The following TESK2 variants were observed in gnomAD, a reference collection of about 807,000 sequenced individuals.
TESK2 encodes testis associated actin remodelling kinase 2.
A neutral mutation model predicts 57.1 loss-of-function variants in TESK2; 39 were observed. The observed-to-expected ratio is 0.68, with a 90% confidence interval of 0.53 to 0.89. The LOEUF (loss-of-function observed/expected upper bound fraction) is 0.89, where lower values mean the gene tolerates loss of function less well. Ranked by LOEUF, TESK2 falls within the 40% of genes least tolerant of loss-of-function variation. The pLI, the probability that TESK2 is intolerant of heterozygous loss-of-function variation, is 0.00. For synonymous variants in TESK2, 249 were observed against 267.9 expected (o/e 0.93, Z 0.69); for missense variants, 646 against 732.1 (o/e 0.88, Z 1.36).
chr1:45,431,076 G>C (rs1346967990), intron 2 of TESK2, among the ~76,000 whole-genome samples: 1 of 152,150 alleles, frequency 6.6e-6, no homozygotes, highest in East Asian at 1.9e-4. Context: ...AACCCAACCT[G>C]GCAATCTTCC....
chr1:45,382,573 A>G (rs1405445313), intron 4 of TESK2, among the ~76,000 whole-genome samples: 1 of 152,118 alleles, frequency 6.6e-6, no homozygotes, highest in Non-Finnish European at 1.5e-5. Context: ...AGTTTGCTTA[A>G]AAACTTGAGT....
chr1:45,370,651 G>T lies in TESK2; in HGVS notation c.394-15202C>A, dbSNP rs186380668. Among the ~76,000 whole-genome samples, 29 of 152,294 alleles carry T rather than the reference G, an allele frequency of 1.9e-4. No homozygotes were observed. In the South Asian group the frequency reaches 4.6e-3, roughly 24 times the overall value. ...GGGCCTGAGGAATTGGTTGGGCCAG[G>T]GGGGATGAAGAGGTGTGTTCTGGGC... On this transcript the variant is annotated intron_variant, in intron 4 of 10. Transcript: ENST00000372086.
chr1:45,400,360 A>AT (rs1226115707), intron 3 of TESK2, among the ~76,000 whole-genome samples: 1 of 152,200 alleles, frequency 6.6e-6, no homozygotes, highest in Non-Finnish European at 1.5e-5. Context: ...TGATACCTTG[A>AT]TTTTAGCCCA....
At chr1:45,396,834 G>A (rs1443282646) in intron 3 of TESK2, among the ~76,000 whole-genome samples, 2 of 93,816 alleles carry the variant, frequency 2.1e-5, no homozygotes, top group East Asian at 7.7e-4. Context: ...TTTTTGAGAT[G>A]GAGTCTCACT....
At chr1:45,423,559 GAAAA>G (rs59821943) in intron 2 of TESK2, among the ~76,000 whole-genome samples, 1 of 125,810 alleles carries the variant, frequency 7.9e-6, no homozygotes. Flanking sequence ...TCCGTCTCGC[GAAAA>G]AAAAAAAAAA....
At chr1:45,371,096 G>C (rs554746437) in intron 4 of TESK2, among the ~76,000 whole-genome samples, 1 of 149,858 alleles carries the variant, frequency 6.7e-6, no homozygotes, top group South Asian at 2.1e-4. Flanking sequence ...AAAAAACACA[G>C]AAAATAACAA....
intron 2 of TESK2, among the ~76,000 whole-genome samples, chr1:45,448,237 C>CAATA (rs1651719673): frequency 1.2e-5 from 1 of 84,378 alleles, no homozygotes; most frequent in South Asian, 4.4e-4. Flanking sequence ...GACCCTGTCT[C>CAATA]AAAAAAAAAA....
intron 2 of TESK2, among the ~76,000 whole-genome samples, chr1:45,429,321 G>C (rs547695081): frequency 3.9e-5 from 6 of 152,078 alleles, no homozygotes; most frequent in African/African-American, 1.4e-4. Context: ...GCTTGAACCC[G>C]AGAGGCAGAG....
intron 3 of TESK2, among the ~76,000 whole-genome samples, chr1:45,418,765 G>A (rs1043893830): frequency 1.3e-5 from 2 of 151,938 alleles, no homozygotes; most frequent in Non-Finnish European, 2.9e-5. Context: ...TTTTATATCT[G>A]TGCTTTCTAT....
In TESK2 at chr1:45,409,933, C is replaced by T. The variant is rs189709807; in HGVS notation, c.344+11792G>A. 1.8e-3 allele frequency among the ~76,000 whole-genome samples: 277 copies of T among 151,952 alleles called. 3 individuals carry two copies. The highest frequency in any genetic ancestry group is 6.4e-3 in the African/African-American group (267 of 41,444). On this transcript the variant is annotated intron_variant, in intron 3 of 10. Transcript: ENST00000372086. ...TAATACCAGCACTTTGGGAGGCCAA[C>T]GGGGGCAGATCACTTGAGGCCAGGA...
At chr1:45,384,361 A>AT (rs1648778800) in intron 4 of TESK2, among the ~76,000 whole-genome samples, 1 of 146,970 alleles carries the variant, frequency 6.8e-6, no homozygotes, top group Non-Finnish European at 1.5e-5. Context: ...GTATGTACGT[A>AT]CGTATCTATC....
intron 3 of TESK2, among the ~76,000 whole-genome samples, chr1:45,396,516 T>TC (rs1163514479): frequency 6.6e-6 from 1 of 151,298 alleles, no homozygotes; most frequent in Non-Finnish European, 1.5e-5. Flanking sequence ...TGAAACAGAG[T>TC]CTCACTCTGT....
At chr1:45,419,530 G>A (rs1230841714) in intron 3 of TESK2, among the ~76,000 whole-genome samples, 3 of 152,110 alleles carry the variant, frequency 2.0e-5, no homozygotes, top group Non-Finnish European at 4.4e-5. Context: ...ATCTGGCCAG[G>A]TGCGGTGGCT....
At chr1:45,427,642 G>A (rs925827214) in intron 2 of TESK2, among the ~76,000 whole-genome samples, 1 of 152,188 alleles carries the variant, frequency 6.6e-6, no homozygotes, top group Admixed American at 6.6e-5. Flanking sequence ...ATTATGTTCA[G>A]TTAAATAAGC....
intron 2 of TESK2, among the ~76,000 whole-genome samples, chr1:45,437,324 C>T (rs1651274753): frequency 6.6e-6 from 1 of 151,916 alleles, no homozygotes. Context: ...TGTAGCTGTA[C>T]TGTAATTGGG....
At chr1:45,429,830 G>A (rs1197891436) in intron 2 of TESK2, among the ~76,000 whole-genome samples, 1 of 152,108 alleles carries the variant, frequency 6.6e-6, no homozygotes, top group Non-Finnish European at 1.5e-5. Context: ...GAAGTTAGTT[G>A]ATACTAACAA....
chr1:45,436,478 C>CTTTTTTT (rs35561877), intron 2 of TESK2, among the ~76,000 whole-genome samples: 1 of 33,622 alleles, frequency 3.0e-5, no homozygotes, highest in African/African-American at 1.3e-4. Context: ...CGTGCCTGGC[C>CTTTTTTT]TTTTTTTTTT....
chr1:45,412,846 T>C (rs1650087103), intron 3 of TESK2, among the ~76,000 whole-genome samples: 1 of 151,902 alleles, frequency 6.6e-6, no homozygotes, highest in Non-Finnish European at 1.5e-5. Flanking sequence ...TAGTGAGAAC[T>C]TTCTCTACAA....
At position 45,344,183 on chromosome 1, in the gene TESK2, T is replaced by G. The variant is rs138435886; in HGVS notation, c.*657A>C. ...CTCCCAACCACAAGGTTGAAAGTCT[T>G]ATGGGGCAGAACATTAAGACTCCTT... On this transcript the variant is annotated 3_prime_UTR_variant, in exon 11 of 11. Coordinates refer to ENST00000372086, the MANE Select transcript of TESK2 (RefSeq NM_007170.3). 1 of 161,478 alleles carries G rather than the reference T, an allele frequency of 6.2e-6. No homozygotes were observed. The highest frequency in any genetic ancestry group is 1.8e-4 in the East Asian group (1 of 5,670). The allele number at this position is 161,478 out of a possible 1,614,324, so 10.0% of individuals were successfully genotyped here. A position where few individuals can be genotyped will look rare whatever the true frequency, so the allele number is the denominator to read the frequency against.
Sources: gnomAD v4.1 joint callset for allele counts (sites outside exome capture counted in the v4.1 genomes callset) on GRCh38, gnomAD v4.1.1 for gene constraint, MANE v1.5 for transcripts, NCBI Gene and HGNC (gene_info 2026-07-23, HGNC 2026-07-21) for gene names.